Variants in NFIX observed in about 807,000 individuals in gnomAD.
NFIX encodes nuclear factor 1 X-type.
A neutral mutation model predicts 53.3 loss-of-function variants in NFIX; 2 were observed. The observed-to-expected ratio is 0.04, with a 90% confidence interval of 0.02 to 0.12. The LOEUF is 0.12. Among genes scored for constraint, NFIX ranks in the 10% least tolerant of loss-of-function variants. The probability of loss-of-function intolerance (pLI) is 1.00; values close to 1 mark genes in which losing one functional copy is unlikely to be tolerated. For synonymous variants in NFIX, 244 were observed against 289.0 expected, an observed-to-expected ratio of 0.84 and a Z score of 1.58; for missense variants, 310 against 674.5, an observed-to-expected ratio of 0.46 and a Z score of 5.99.
intron 2 of NFIX, among the ~76,000 whole-genome samples, chr19:13,064,321 A>G (rs998064378): frequency 2.6e-5 from 4 of 152,194 alleles, no homozygotes; most frequent in Non-Finnish European, 5.9e-5. Flanking sequence ...CTGGACGCCC[A>G]TGGGCCTGTG....
At chr19:13,059,572 C>T (rs1283340757) in intron 2 of NFIX, among the ~76,000 whole-genome samples, 3 of 152,142 alleles carry the variant, frequency 2.0e-5, no homozygotes, top group Non-Finnish European at 4.4e-5. Flanking sequence ...CTGCTTGCCA[C>T]TGGTTGGAAA....
rs2012182279 is a variant in NFIX at position 13,009,083 on chromosome 19, G to A, written c.27+13219G>A. 2.6e-5 allele frequency among the ~76,000 whole-genome samples: 4 copies of A among 152,256 alleles called. No homozygotes were observed. Among genetic ancestry groups the A allele is most frequent in the African/African-American group, 7.2e-5 (3 of 41,542 alleles). On this transcript the variant is annotated intron_variant, in intron 1 of 10. Transcript: ENST00000592199. This position sits in a 1 kb window ranked among gnomAD's most constrained non-coding sequence, Gnocchi z 4.7. Reference sequence around the variant, plus strand: ...AACACCCCGCCACCCGCAGTCTGTCGCGCAGTGACAGCCTGTCACAAGCAC... The same window carrying A: ...AACACCCCGCCACCCGCAGTCTGTCACGCAGTGACAGCCTGTCACAAGCAC...
rs768455492 is a variant in NFIX at position 13,073,156 on chromosome 19, C to T, written c.622+47C>T. The stretch of plus-strand genomic sequence containing the variant: ...AGCTGCCCTTATCCTTCATGCCCCT[C>T]CACTTCCTTCCCCCACCCTGGCTGC... On this transcript the variant is annotated intron_variant, in intron 3 of 10. Coordinates refer to ENST00000592199, the MANE Select transcript of NFIX (RefSeq NM_001365902.3). This position sits in a 1 kb window ranked among gnomAD's most constrained non-coding sequence, Gnocchi z 4.5. 1.5e-5 allele frequency: 23 copies of T among 1,578,342 alleles called. No individual in the cohort carries two copies. Among genetic ancestry groups the T allele is most frequent in the Non-Finnish European group, 1.9e-5 (22 of 1,147,400 alleles).
At chr19:13,038,730 C>T (rs1489860407) in intron 2 of NFIX, among the ~76,000 whole-genome samples, 1 of 152,208 alleles carries the variant, frequency 6.6e-6, no homozygotes, top group East Asian at 1.9e-4. Context: ...ACATGCATAG[C>T]GTGGCCAACT....
At position 13,088,675 on chromosome 19, in the gene NFIX, C is replaced by T. The variant is rs1319475838; in HGVS notation, c.1402+539C>T. 6.6e-6 allele frequency among the ~76,000 whole-genome samples: 1 copy of T among 151,876 alleles called. No individual in the cohort carries two copies. Among genetic ancestry groups the T allele is most frequent in the East Asian group, 1.9e-4 (1 of 5,168 alleles). On this transcript the variant is annotated intron_variant, in intron 9 of 10. Transcript: ENST00000592199. This position sits in a 1 kb window ranked among gnomAD's most constrained non-coding sequence, Gnocchi z 5.9. ...CGCAGCAGGCCAGCCCGACCCCTTCCCCCTCAGTCTCACATTTGGTTTCTC... is the reference window on the plus strand; with the variant it reads ...CGCAGCAGGCCAGCCCGACCCCTTCTCCCTCAGTCTCACATTTGGTTTCTC...
At chr19:13,030,028 C>T (rs960953738) in intron 2 of NFIX, among the ~76,000 whole-genome samples, 1 of 152,138 alleles carries the variant, frequency 6.6e-6, no homozygotes, top group African/African-American at 2.4e-5. Context: ...ACAGGAGCAC[C>T]CGCCGCTTTC....
chr19:13,080,936 C>G (rs2017422623), intron 7 of NFIX, among the ~76,000 whole-genome samples: 2 of 151,690 alleles, frequency 1.3e-5, no homozygotes, highest in African/African-American at 4.8e-5. Context: ...GGAGGCAGAG[C>G]TTGCAGTGAG....
chr19:13,039,228 C>CCCCCCA (rs796212249), intron 2 of NFIX, among the ~76,000 whole-genome samples: 78 of 144,576 alleles, frequency 5.4e-4, no homozygotes, highest in Non-Finnish European at 8.9e-4. Context: ...ACACCCCCCC[C>CCCCCCA]CACACACACA....
At chr19:12,997,592 C>T (rs890153289) in intron 1 of NFIX, among the ~76,000 whole-genome samples, 9 of 152,216 alleles carry the variant, frequency 5.9e-5, no homozygotes, top group African/African-American at 2.2e-4. Flanking sequence ...CTCTTTGGTG[C>T]TACACTTGGC....
At position 13,078,637 on chromosome 19, in the gene NFIX, G is replaced by C; in HGVS notation, c.980G>C (p.Gly327Ala). Residue 327 changes from glycine to alanine, a missense_variant, in exon 7 of 11, where the codon GGA becomes GCA. Gly to Ala is a moderately conservative substitution (Grantham distance 60). Coordinates refer to ENST00000592199, the MANE Select transcript of NFIX (RefSeq NM_001365902.3). This position sits in a 1 kb window ranked among gnomAD's most constrained non-coding sequence, Gnocchi z 4.7. ...GGCCCGGCTTCTCTAAAGAAGTCAGGAAAGCTGGACTTCTGCAGTGCCCTC... is the reference window on the plus strand; with the variant it reads ...GGCCCGGCTTCTCTAAAGAAGTCAGCAAAGCTGGACTTCTGCAGTGCCCTC... ...DAGPASLKKS[G>A]KLDFCSALSS... 1.9e-6 allele frequency: 3 copies of C among 1,601,806 alleles called. No homozygotes were observed. Among genetic ancestry groups the C allele is most frequent in the Non-Finnish European group, 2.6e-6 (3 of 1,174,544 alleles).
chr19:13,023,862 C>A, intron 1 of NFIX: 1 of 619,332 alleles, frequency 1.6e-6, no homozygotes, highest in South Asian at 1.9e-5. Flanking sequence ...AGAATCCACC[C>A]AAGCCCGGCC....
In NFIX at chr19:13,025,674, C is replaced by A; in HGVS notation, c.559+122C>A. 9.2e-7 allele frequency: 1 copy of A among 1,087,182 alleles called. No homozygotes were observed. Among genetic ancestry groups the A allele is most frequent in the South Asian group, 1.6e-5 (1 of 62,986 alleles). The allele number at this position is 1,087,182 out of a possible 1,614,324, so 67.3% of individuals were successfully genotyped here. A position where few individuals can be genotyped will look rare whatever the true frequency, so the allele number is the denominator to read the frequency against. On this transcript the variant is annotated intron_variant, in intron 2 of 10. Transcript: ENST00000592199. The surrounding 1 kb of genome is among the most constrained non-coding windows in gnomAD (Gnocchi z 7.5). ...ATGGGCCTAACTGGTGTATGCCCGT[C>A]CTGCGGGGCCTGCAACACGGTTCTA... is the stretch of plus-strand genomic sequence containing the variant.
intron 1 of NFIX, among the ~76,000 whole-genome samples, chr19:13,023,697 CT>C (rs2013097109): frequency 6.9e-6 from 1 of 145,870 alleles, no homozygotes; most frequent in South Asian, 2.2e-4. Flanking sequence ...ATTTTGTTGG[CT>C]TTTGTTTACC....
chr19:13,020,195 G>C (rs1309299765), intron 1 of NFIX, among the ~76,000 whole-genome samples: 2 of 152,162 alleles, frequency 1.3e-5, no homozygotes, highest in Non-Finnish European at 2.9e-5. Flanking sequence ...GGCTGGGCTG[G>C]GAACAGGTAA....
chr19:13,048,904 C>T (rs149633056), intron 2 of NFIX, among the ~76,000 whole-genome samples: 74 of 152,134 alleles, frequency 4.9e-4, no homozygotes, highest in African/African-American at 1.6e-3. Context: ...GAAACCCTGT[C>T]TTTACTAAAA....
At chr19:13,024,550 C>G in intron 1 of NFIX, 1 of 1,530,238 alleles carries the variant, frequency 6.5e-7, no homozygotes, top group Non-Finnish European at 8.8e-7. Context: ...GCCCCGCACG[C>G]CCCCGCGTGT....
chr19:13,063,080 G>A (rs1226673911), intron 2 of NFIX, among the ~76,000 whole-genome samples: 1 of 152,194 alleles, frequency 6.6e-6, no homozygotes, highest in South Asian at 2.1e-4. Flanking sequence ...CAGAAAGAGA[G>A]CAGGGGGCAG....
rs1049245153 is a variant in NFIX at position 13,036,591 on chromosome 19, C to G, written c.559+11039C>G. ...CGGAGGCGACCTGCAGGAGGCCAGC[C>G]GAGTGCAGCCCTTGGGGAGTGTGTC... On this transcript the variant is annotated intron_variant, in intron 2 of 10. Transcript: ENST00000592199. The surrounding 1 kb of genome is among the most constrained non-coding windows in gnomAD (Gnocchi z 4.7). Among the ~76,000 whole-genome samples, 1 of 152,062 alleles carries G rather than the reference C, an allele frequency of 6.6e-6. No individual in the cohort carries two copies. Among genetic ancestry groups the G allele is most frequent in the Non-Finnish European group, 1.5e-5 (1 of 68,008 alleles).
chr19:13,052,034 C>T lies in NFIX; in HGVS notation c.560-21013C>T, dbSNP rs899006816. 6.6e-6 allele frequency among the ~76,000 whole-genome samples: 1 copy of T among 152,206 alleles called. No individual in the cohort carries two copies. Among genetic ancestry groups the T allele is most frequent in the Non-Finnish European group, 1.5e-5 (1 of 68,042 alleles). Reference sequence around the variant, plus strand: ...CCTCTGTGCCCCATTTCCCTTCTGTCTTTCCTTTGCTGTCCACTCTGCTTG... The same window carrying T: ...CCTCTGTGCCCCATTTCCCTTCTGTTTTTCCTTTGCTGTCCACTCTGCTTG... On this transcript the variant is annotated intron_variant, in intron 2 of 10. Transcript: ENST00000592199. The surrounding 1 kb of genome is among the most constrained non-coding windows in gnomAD (Gnocchi z 5.2).
Sources: gnomAD v4.1 joint callset for allele counts (sites outside exome capture counted in the v4.1 genomes callset) on GRCh38, gnomAD v4.1.1 for gene constraint, Gnocchi (gnomAD v3.1) non-coding constraint, MANE v1.5 for transcripts, NCBI Gene and HGNC (gene_info 2026-07-23, HGNC 2026-07-21) for gene names.